The following ZC3H12B variants were observed in gnomAD, a reference collection of about 807,000 sequenced individuals.
ZC3H12B encodes zinc finger CCCH-type containing 12B, also known as probable ribonuclease ZC3H12B.
A neutral mutation model predicts 43.9 loss-of-function variants in ZC3H12B; 7 were observed. The observed-to-expected ratio is 0.16, with a 90% confidence interval of 0.09 to 0.30. The LOEUF is 0.30. Ranked by LOEUF, ZC3H12B falls within the 10% of genes least tolerant of loss-of-function variation. The pLI, the probability that ZC3H12B is intolerant of heterozygous loss-of-function variation, is 1.00. For synonymous variants in ZC3H12B, 222 were observed against 241.7 expected (o/e 0.92, Z 0.76); for missense variants, 475 against 670.2 (o/e 0.71, Z 3.22).
At chrX:65,376,436 G>A (rs776004531) in intron 2 of ZC3H12B, among the ~76,000 whole-genome samples, 10 of 111,410 alleles carry the variant, frequency 9.0e-5, no homozygotes, top group African/African-American at 2.9e-4. Flanking sequence ...ATAGGTGGTA[G>A]CCAGAGAGTG....
chrX:65,189,265 A>G, the ZC3H12B span, among the ~76,000 whole-genome samples: 10 of 99,457 alleles, frequency 1.0e-4, no homozygotes, highest in Admixed American at 6.5e-4. Context: ...ATACGTGTGC[A>G]TGTGTCTTTA....
the ZC3H12B span, among the ~76,000 whole-genome samples, chrX:65,136,855 G>C: frequency 9.0e-6 from 1 of 111,693 alleles, no homozygotes. Context: ...ATAGGGAAAA[G>C]AATGTCTATT....
At chrX:65,219,674 A>G in the ZC3H12B span, among the ~76,000 whole-genome samples, 1 of 111,500 alleles carries the variant, frequency 9.0e-6, no homozygotes, top group Non-Finnish European at 1.9e-5. Context: ...CAAAGCTAAG[A>G]ATAATTGGTG....
At chrX:65,314,987 T>A in the ZC3H12B span, among the ~76,000 whole-genome samples, 1 of 111,238 alleles carries the variant, frequency 9.0e-6, no homozygotes, top group East Asian at 2.8e-4. Context: ...ATCATTAAAA[T>A]GGTAGAGATA....
chrX:65,158,956 G>T, the ZC3H12B span, among the ~76,000 whole-genome samples: 1 of 111,966 alleles, frequency 8.9e-6, no homozygotes, highest in Non-Finnish European at 1.9e-5. Context: ...TGTATAAGGT[G>T]TAAGGAAGGG....
At chrX:65,206,775 T>A in the ZC3H12B span, among the ~76,000 whole-genome samples, 1 of 111,689 alleles carries the variant, frequency 9.0e-6, no homozygotes, top group African/African-American at 3.3e-5. Context: ...GACAAAGGAC[T>A]AATATCTACA....
chrX:65,453,789 A>G (rs899901497), intron 3 of ZC3H12B, among the ~76,000 whole-genome samples: 5 of 111,320 alleles, frequency 4.5e-5, no homozygotes, highest in Non-Finnish European at 9.4e-5. Flanking sequence ...ATTAGAAACC[A>G]TTATTCTCAG....
At chrX:65,170,821 C>G in the ZC3H12B span, among the ~76,000 whole-genome samples, 2 of 112,093 alleles carry the variant, frequency 1.8e-5, no homozygotes, top group South Asian at 3.7e-4. Context: ...TCCTGTTGAT[C>G]AAATCAGCTA....
At chrX:65,282,074 A>C in the ZC3H12B span, among the ~76,000 whole-genome samples, 2 of 112,118 alleles carry the variant, frequency 1.8e-5, no homozygotes, top group African/African-American at 6.5e-5. Flanking sequence ...AAAAAAAGAA[A>C]AACTGTTAAT....
chrX:65,420,041 A>G (rs2067001078), intron 3 of ZC3H12B, among the ~76,000 whole-genome samples: 1 of 112,013 alleles, frequency 8.9e-6, no homozygotes, highest in Admixed American at 9.4e-5. Flanking sequence ...CTATGGACTC[A>G]GGCATCAGGC....
At chrX:65,275,066 C>G in the ZC3H12B span, among the ~76,000 whole-genome samples, 14 of 112,478 alleles carry the variant, frequency 1.2e-4, no homozygotes, top group Admixed American at 7.5e-4. Context: ...CCTCAGATTA[C>G]TCAGGCAGCT....
chrX:65,413,135 A>G (rs1319480419), intron 3 of ZC3H12B, among the ~76,000 whole-genome samples: 1 of 110,841 alleles, frequency 9.0e-6, no homozygotes, highest in Non-Finnish European at 1.9e-5. Context: ...TTTTTTTTAA[A>G]AAATCGGGCT....
chrX:65,230,590 A>G, the ZC3H12B span, among the ~76,000 whole-genome samples: 2 of 105,202 alleles, frequency 1.9e-5, no homozygotes, highest in Middle Eastern at 4.7e-3. Context: ...ATATAAACAA[A>G]CATCACCTTT....
At chrX:65,162,783 T>C in the ZC3H12B span, among the ~76,000 whole-genome samples, 2 of 112,673 alleles carry the variant, frequency 1.8e-5, no homozygotes, top group African/African-American at 3.2e-5. Context: ...AGTCATTCTC[T>C]GTCCAGCTTT....
the ZC3H12B span, among the ~76,000 whole-genome samples, chrX:65,105,204 G>A: frequency 9.1e-6 from 1 of 109,800 alleles, no homozygotes; most frequent in African/African-American, 3.3e-5. Flanking sequence ...GTTGAACAAT[G>A]AGAACACATG....
At chrX:65,306,571 C>G in the ZC3H12B span, among the ~76,000 whole-genome samples, 1 of 111,117 alleles carries the variant, frequency 9.0e-6, no homozygotes, top group Non-Finnish European at 1.9e-5. Context: ...GACGGGGTTG[C>G]ACTGTGTTGC....
At chrX:65,426,053 C>A (rs1404550099) in intron 3 of ZC3H12B, among the ~76,000 whole-genome samples, 1 of 108,680 alleles carries the variant, frequency 9.2e-6, no homozygotes, top group Non-Finnish European at 1.9e-5. Flanking sequence ...CTTCTTTGTA[C>A]CTCTGGTAGA....
At chrX:65,113,985 G>GTGTATATATATATATA in the ZC3H12B span, among the ~76,000 whole-genome samples, 1 of 47,475 alleles carries the variant, frequency 2.1e-5, no homozygotes, top group African/African-American at 5.5e-5. Flanking sequence ...AGATATGCTT[G>GTGTATATATATATATA]TATATATATA....
chrX:65,178,957 A>G, the ZC3H12B span, among the ~76,000 whole-genome samples: 3 of 112,327 alleles, frequency 2.7e-5, no homozygotes, highest in African/African-American at 6.5e-5. Flanking sequence ...ACACATGCAC[A>G]TGTACGTTTA....
Sources: allele counts gnomAD v4.1 joint callset (sites outside exome capture counted in the v4.1 genomes callset), GRCh38; gene constraint gnomAD v4.1.1; transcripts MANE v1.5; gene names NCBI Gene and HGNC (gene_info 2026-07-23, HGNC 2026-07-21).